The following SCLY variants were observed in gnomAD, a reference collection of about 807,000 sequenced individuals.
The protein encoded by SCLY is selenocysteine lyase.
A neutral mutation model predicts 50.1 loss-of-function variants in SCLY; 38 were observed. The ratio of observed to expected loss-of-function variants is 0.76; its 90% CI spans 0.59 to 0.99. The LOEUF (loss-of-function observed/expected upper bound fraction) is 0.99, where lower values mean the gene tolerates loss of function less well. SCLY is among the 50% of genes least tolerant of loss of function. The pLI is 0.00. For synonymous variants in SCLY, 243 were observed against 249.4 expected (o/e 0.97, Z 0.24); for missense variants, 600 against 620.0 (o/e 0.97, Z 0.34).
At position 238,098,579 on chromosome 2, in the gene SCLY, G is replaced by GAACGCCCACATAGA. The variant is rs1691306545; in HGVS notation, c.*225_*226insACGCCCACATAGAA. The GAACGCCCACATAGA allele has an allele frequency of 7.1e-5, 28 of 394,738 alleles. No homozygotes were observed. Among genetic ancestry groups the GAACGCCCACATAGA allele is most frequent in the African/African-American group, 1.0e-4 (4 of 40,034 alleles). 24.5% of individuals were successfully genotyped at this position (394,738 alleles called of 1,614,324 possible). On this transcript the variant is annotated 3_prime_UTR_variant, in exon 12 of 12. Coordinates refer to ENST00000254663, the MANE Select transcript of SCLY (RefSeq NM_016510.7). The stretch of plus-strand genomic sequence containing the variant: ...ACGCCGCATAGGACTGCCCACATGG[G>GAACGCCCACATAGA]ACCGCCCACATAGGACCGCCCACAT...
At chr2:238,095,194 T>C (rs2065415538) in intron 10 of SCLY, among the ~76,000 whole-genome samples, 2 of 152,156 alleles carry the variant, frequency 1.3e-5, no homozygotes, top group Admixed American at 1.3e-4. Context: ...AGTGAGACTC[T>C]GTCTCAAACA....
intron 9 of SCLY, 121 bp from the exon 10 acceptor site, chr2:238,094,299 G>C (rs2065401753): frequency 2.2e-5 from 18 of 820,630 alleles, no homozygotes; most frequent in Middle Eastern, 2.6e-4. Context: ...ATTCTGGGTA[G>C]ATGCTGATTG....
At chr2:238,085,584 G>A (rs550798221) in intron 7 of SCLY, among the ~76,000 whole-genome samples, 14 of 151,830 alleles carry the variant, frequency 9.2e-5, no homozygotes, top group Non-Finnish European at 1.5e-4. Context: ...AAAATTAGCC[G>A]GGCTTGGTGG....
chr2:238,077,258 T>A (rs187694508), intron 4 of SCLY, among the ~76,000 whole-genome samples: 23 of 152,380 alleles, frequency 1.5e-4, no homozygotes, highest in African/African-American at 5.0e-4. Context: ...ACTATATTGC[T>A]GGTAACTTTT....
chr2:238,083,494 G>A lies in SCLY; in HGVS notation c.884+140G>A. On this transcript the variant is annotated intron_variant, in intron 7 of 11. Coordinates refer to ENST00000254663, the MANE Select transcript of SCLY (RefSeq NM_016510.7). This position sits in a 1 kb window ranked among gnomAD's most constrained non-coding sequence, Gnocchi z 4.3. ...TCCACACTGCTGCTGTGTCAGAACTGGCTCCACTGATTGATTTTACACTGA... is the reference window on the plus strand; with the variant it reads ...TCCACACTGCTGCTGTGTCAGAACTAGCTCCACTGATTGATTTTACACTGA... The A allele has an allele frequency of 1.5e-6, 1 of 660,692 alleles. No homozygotes were observed. The highest frequency in any genetic ancestry group is 2.7e-6 in the Non-Finnish European group (1 of 367,058). 40.9% of individuals were successfully genotyped at this position (660,692 alleles called of 1,614,324 possible). A position where few individuals can be genotyped will look rare whatever the true frequency, so the allele number is the denominator to read the frequency against.
chr2:238,077,773 C>G (rs1284576666), intron 4 of SCLY, among the ~76,000 whole-genome samples: 1 of 152,172 alleles, frequency 6.6e-6, no homozygotes, highest in African/African-American at 2.4e-5. Context: ...TTGCCACCTG[C>G]CTGCTCCTGC....
chr2:238,077,956 T>TC (rs200997952), intron 4 of SCLY, among the ~76,000 whole-genome samples: 5,761 of 147,390 alleles, frequency 0.039, 361 homozygotes, highest in African/African-American at 0.14. Flanking sequence ...AGATTCTCTT[T>TC]TTTTTTTTTT....
intron 9 of SCLY, chr2:238,094,158 CT>C: frequency 1.6e-6 from 1 of 616,618 alleles, no homozygotes. Flanking sequence ...GGGGCATGAT[CT>C]TTTTCAGAGA....
At chr2:238,068,277 G>C (rs954545394) in intron 3 of SCLY, 112 bp downstream of exon 3, 7 of 827,952 alleles carry the variant, frequency 8.5e-6, no homozygotes, top group Non-Finnish European at 1.3e-5. Context: ...GGCCAAGTGT[G>C]GTGGCTCATG....
rs2065104758 is a variant in SCLY at position 238,069,288 on chromosome 2, T to C, written c.304-9T>C. The C allele has an allele frequency of 6.2e-7, 1 of 1,612,464 alleles. No homozygotes were observed. Among genetic ancestry groups the C allele is most frequent in the Non-Finnish European group, 8.5e-7 (1 of 1,179,374 alleles). ...TTTTGTAAATGCTTTTTTTGCTGTA[T>C]CTCTGCAGTCAAATAATTTAGTAAT... is the stretch of plus-strand genomic sequence containing the variant. On this transcript the variant is annotated splice_polypyrimidine_tract_variant and intron_variant, in intron 3 of 11. Transcript: ENST00000254663. The surrounding 1 kb of genome is among the most constrained non-coding windows in gnomAD (Gnocchi z 5.0).
At chr2:238,086,889 CA>C (rs2065303598) in intron 7 of SCLY, among the ~76,000 whole-genome samples, 1 of 151,804 alleles carries the variant, frequency 6.6e-6, no homozygotes, top group African/African-American at 2.4e-5. Context: ...TGTGGTGGCG[CA>C]TGCCTATAAT....
rs2065392556 is a variant in SCLY, at chr2:238,093,592, T to C, written c.922-269T>C. The C allele has an allele frequency of 1.0e-5, 5 of 479,692 alleles. No homozygotes were observed. The South Asian group carries it at 1.4e-4, about 13-fold the overall frequency. The allele number at this position is 479,692 out of a possible 1,614,324, so 29.7% of individuals were successfully genotyped here. On this transcript the variant is annotated intron_variant, in intron 8 of 11. Coordinates refer to ENST00000254663, the MANE Select transcript of SCLY (RefSeq NM_016510.7). The stretch of plus-strand genomic sequence containing the variant: ...TCCCCTGCTTTTGTCCGTCTGCCTC[T>C]CTGGGATGCTGGCTCCTCGAGGGAG...
rs533654442 is a variant in SCLY, at chr2:238,085,620, G to A, written c.884+2266G>A. 3.9e-5 allele frequency among the ~76,000 whole-genome samples: 6 copies of A among 152,028 alleles called. 1 individual carries two copies. The highest frequency in any genetic ancestry group is 4.2e-4 in the South Asian group (2 of 4,808). On this transcript the variant is annotated intron_variant, in intron 7 of 11. Transcript: ENST00000254663. ...CACACGCCTATAGTCCCAGCTACCC[G>A]GGAGGCTGAGGCAGGAGAATCCCTT...
chr2:238,067,573 A>T lies in SCLY; in HGVS notation c.203-492A>T, dbSNP rs1443756586. Among the ~76,000 whole-genome samples the T allele has an allele frequency of 6.6e-6, 1 of 152,256 alleles. No individual in the cohort carries two copies. Among genetic ancestry groups the T allele is most frequent in the African/African-American group, 2.4e-5 (1 of 41,478 alleles). ...TTGAAAGCAGGTGTGTCCCTGAGACAGTAACCTTTGTAGCCCAGGTACCCT... is the reference window on the plus strand; with the variant it reads ...TTGAAAGCAGGTGTGTCCCTGAGACTGTAACCTTTGTAGCCCAGGTACCCT... On this transcript the variant is annotated intron_variant, in intron 2 of 11. Coordinates refer to ENST00000254663, the MANE Select transcript of SCLY (RefSeq NM_016510.7). The surrounding 1 kb of genome is among the most constrained non-coding windows in gnomAD (Gnocchi z 4.3).
rs758253213 is a variant in SCLY, at chr2:238,082,098, A to C, written c.666A>C (p.Ala222=). 2 of 1,613,764 alleles carry C rather than the reference A, an allele frequency of 1.2e-6. No homozygotes were observed. Among genetic ancestry groups the C allele is most frequent in the Non-Finnish European group, 8.5e-7 (1 of 1,179,992 alleles). ...RIKALNQERV[A]AGLPPILVHT... Reference sequence around the variant, plus strand: ...AAGCCCTGAACCAGGAACGGGTGGCAGCTGGGCTACCTCCCATCCTCGTGC... The same window carrying C: ...AAGCCCTGAACCAGGAACGGGTGGCCGCTGGGCTACCTCCCATCCTCGTGC... The change falls in exon 6 of 12, where the codon GCA becomes GCC. Residue 222 remains alanine (A), a synonymous_variant. Transcript: ENST00000254663.
intron 8 of SCLY, chr2:238,091,645 C>A (rs1420376734): frequency 4.3e-6 from 1 of 230,664 alleles, no homozygotes; most frequent in Non-Finnish European, 8.8e-6. Flanking sequence ...CAGCCCTCCA[C>A]TGGGGCCTGT....
In SCLY at chr2:238,085,788, T is replaced by C. The variant is rs1256836753; in HGVS notation, c.884+2434T>C. Among the ~76,000 whole-genome samples, 4 of 152,092 alleles carry C rather than the reference T, an allele frequency of 2.6e-5. No homozygotes were observed. The South Asian group carries it at 6.2e-4, about 24-fold the overall frequency. ...ACCTATGAGACGATAACAAATGATA[T>C]AACATTCGTTTCATTGAAATCCCTG... is the stretch of plus-strand genomic sequence containing the variant. On this transcript the variant is annotated intron_variant, in intron 7 of 11. Coordinates refer to ENST00000254663, the MANE Select transcript of SCLY (RefSeq NM_016510.7).
rs1576662994 is a variant in SCLY at position 238,069,490 on chromosome 2, A to T, written c.484+13A>T. 6.3e-7 allele frequency: 1 copy of T among 1,597,852 alleles called. No individual in the cohort carries two copies. Among genetic ancestry groups the T allele is most frequent in the Non-Finnish European group, 8.5e-7 (1 of 1,172,240 alleles). On this transcript the variant is annotated intron_variant, in intron 4 of 11. Transcript: ENST00000254663. This position sits in a 1 kb window ranked among gnomAD's most constrained non-coding sequence, Gnocchi z 5.0. ...GAACAAGTGGCAGGTGAGTGAGTGC[A>T]GGGTGGCCCTGGGACCAGCCTGCTG...
At chr2:238,078,819 A>C (rs2065200698) in intron 4 of SCLY, 1 of 151,574 alleles carries the variant, frequency 6.6e-6, no homozygotes, top group Admixed American at 6.6e-5. Context: ...CAGCCTCCCA[A>C]GCAGCTGGAA....
Sources: allele counts gnomAD v4.1 joint callset (sites outside exome capture counted in the v4.1 genomes callset), GRCh38; gene constraint gnomAD v4.1.1; non-coding constraint Gnocchi (gnomAD v3.1); transcripts MANE v1.5; gene names NCBI Gene and HGNC (gene_info 2026-07-23, HGNC 2026-07-21).